Variants in PVT1 observed in about 807,000 individuals in gnomAD.
PVT1 encodes Pvt1 oncogene.
chr8:127,957,626 G>C (rs560563985), intron 3 of PVT1, among the ~76,000 whole-genome samples: 1 of 152,114 alleles, frequency 6.6e-6, no homozygotes, highest in East Asian at 1.9e-4. Context: ...GGCCATGGGG[G>C]ACATGGTCTT....
intron 2 of PVT1, among the ~76,000 whole-genome samples, chr8:127,877,293 G>A (rs764932175): frequency 2.0e-4 from 31 of 152,216 alleles, no homozygotes; most frequent in Non-Finnish European, 4.0e-4. Flanking sequence ...CAAGGGGCCC[G>A]CCCTTTTCAC....
chr8:128,097,159 G>C (rs143342386), intron 6 of PVT1, among the ~76,000 whole-genome samples: 1 of 152,172 alleles, frequency 6.6e-6, no homozygotes, highest in African/African-American at 2.4e-5. Flanking sequence ...TCAGAAGTTC[G>C]AGACCAGCCT....
chr8:128,025,536 C>CG (rs910252970), intron 4 of PVT1, among the ~76,000 whole-genome samples: 29 of 152,198 alleles, frequency 1.9e-4, no homozygotes, highest in African/African-American at 6.8e-4. Flanking sequence ...CCCAGTCTTG[C>CG]ACCATTCCCA....
intron 4 of PVT1, among the ~76,000 whole-genome samples, chr8:127,995,018 G>A (rs981930782): frequency 1.3e-5 from 2 of 152,262 alleles, no homozygotes; most frequent in Non-Finnish European, 2.9e-5. Context: ...AAATCCTGTG[G>A]CCCAGTCAAG....
chr8:128,022,014 T>C (rs1253132823), intron 4 of PVT1, among the ~76,000 whole-genome samples: 1 of 152,174 alleles, frequency 6.6e-6, no homozygotes, highest in Non-Finnish European at 1.5e-5. Context: ...ATCATGCCAC[T>C]GCACCCCAGC....
chr8:127,839,474 T>A (rs1467020100), intron 2 of PVT1, among the ~76,000 whole-genome samples: 1 of 148,764 alleles, frequency 6.7e-6, no homozygotes, highest in Admixed American at 6.8e-5. Context: ...GGCTTGAGCC[T>A]GGGAGGTCAA....
At chr8:127,828,352 G>A (rs2129692696) in intron 2 of PVT1, among the ~76,000 whole-genome samples, 1 of 152,242 alleles carries the variant, frequency 6.6e-6, no homozygotes, top group South Asian at 2.1e-4. Context: ...CTTATTATTA[G>A]CTGCAAATAA....
intron 5 of PVT1, among the ~76,000 whole-genome samples, chr8:128,081,785 C>T (rs1814183587): frequency 6.6e-6 from 1 of 152,050 alleles, no homozygotes; most frequent in Admixed American, 6.5e-5. Context: ...CACAAAGGTC[C>T]CAAAACGAGA....
chr8:127,871,925 C>G (rs1438072707), intron 2 of PVT1, among the ~76,000 whole-genome samples: 2 of 152,028 alleles, frequency 1.3e-5, no homozygotes, highest in African/African-American at 4.8e-5. Flanking sequence ...CCCGTCTCCA[C>G]TAAAAATACA....
chr8:128,035,573 G>T (rs938490240), intron 4 of PVT1, among the ~76,000 whole-genome samples: 1 of 152,206 alleles, frequency 6.6e-6, no homozygotes, highest in Non-Finnish European at 1.5e-5. Context: ...CATGTGGTCT[G>T]CTGGACAGCA....
At chr8:128,044,672 A>T (rs1209955032) in intron 4 of PVT1, among the ~76,000 whole-genome samples, 3 of 152,230 alleles carry the variant, frequency 2.0e-5, no homozygotes, top group Non-Finnish European at 4.4e-5. Flanking sequence ...CCCCAGAAAG[A>T]TCCTTACCTT....
intron 2 of PVT1, among the ~76,000 whole-genome samples, chr8:127,883,365 T>C (rs1012152442): frequency 6.6e-6 from 1 of 152,070 alleles, no homozygotes; most frequent in African/African-American, 2.4e-5. Flanking sequence ...GGTCTGTTGG[T>C]GTTGGGTAGG....
intron 2 of PVT1, among the ~76,000 whole-genome samples, chr8:127,864,262 C>G (rs972673886): frequency 1.6e-4 from 24 of 152,056 alleles, no homozygotes; most frequent in Non-Finnish European, 2.9e-5. Flanking sequence ...ATGAAGGACA[C>G]CTGGGGAGGG....
At chr8:127,836,232 T>G (rs1382734404) in intron 2 of PVT1, among the ~76,000 whole-genome samples, 1 of 152,208 alleles carries the variant, frequency 6.6e-6, no homozygotes, top group Non-Finnish European at 1.5e-5. Context: ...GAAACTGACT[T>G]TGTCCTTGAA....
intron 3 of PVT1, among the ~76,000 whole-genome samples, chr8:127,929,900 G>T (rs1586441047): frequency 6.6e-6 from 1 of 152,226 alleles, no homozygotes; most frequent in East Asian, 1.9e-4. Flanking sequence ...AACCTTGGAT[G>T]GCTGGGAGCG....
At chr8:128,014,947 C>A (rs1011970218) in intron 4 of PVT1, among the ~76,000 whole-genome samples, 2 of 152,060 alleles carry the variant, frequency 1.3e-5, no homozygotes, top group African/African-American at 4.8e-5. Flanking sequence ...AGAAACTGTC[C>A]AAGAAACTAG....
chr8:128,050,940 G>T (rs1177088369), intron 4 of PVT1, among the ~76,000 whole-genome samples: 2 of 152,158 alleles, frequency 1.3e-5, no homozygotes, highest in Non-Finnish European at 2.9e-5. Context: ...AGTTCCTCAT[G>T]TATGACAGCA....
intron 3 of PVT1, chr8:127,960,551 G>A (rs1816627658): frequency 2.6e-6 from 1 of 378,516 alleles, no homozygotes. Flanking sequence ...GTGGGAGATA[G>A]GATCTTTGTG....
chr8:127,807,370 T>C (rs1472223807), intron 2 of PVT1, among the ~76,000 whole-genome samples: 1 of 152,206 alleles, frequency 6.6e-6, no homozygotes, highest in Non-Finnish European at 1.5e-5. Flanking sequence ...TCTCACTCTG[T>C]CAAGGTTGCT....
Sources: gnomAD v4.1 joint callset for allele counts (sites outside exome capture counted in the v4.1 genomes callset) on GRCh38, gnomAD v4.1.1 for gene constraint, MANE v1.5 for transcripts, NCBI Gene and HGNC (gene_info 2026-07-23, HGNC 2026-07-21) for gene names.